CSMD1: variants seen among roughly 807,000 people sequenced by gnomAD.
The protein encoded by CSMD1 is CUB and sushi domain-containing protein 1.
In CSMD1, 213 loss-of-function variants were observed where a neutral mutation model predicts 417.5. The observed-to-expected ratio is 0.51, with a 90% CI of 0.46 to 0.57. The LOEUF (loss-of-function observed/expected upper bound fraction) is 0.57. Among genes scored for constraint, CSMD1 ranks in the 20% least tolerant of loss-of-function variants. CSMD1 has a pLI of 0.00. For synonymous variants in CSMD1, 2,862 were observed against 1,736.8 expected, an observed-to-expected ratio of 1.65 and a Z score of -16.11; for missense variants, 6,923 against 4,529.7, an observed-to-expected ratio of 1.53 and a Z score of -15.17.
chr8:3,079,911 G>C (rs1404768238), intron 49 of CSMD1, among the ~76,000 whole-genome samples: 1 of 152,042 alleles, frequency 6.6e-6, no homozygotes, highest in African/African-American at 2.4e-5. Flanking sequence ...CCTCCACCCA[G>C]CTCTTTGCAC....
intron 5 of CSMD1, among the ~76,000 whole-genome samples, chr8:3,826,546 C>A (rs1802064839): frequency 6.6e-6 from 1 of 152,098 alleles, no homozygotes; most frequent in Non-Finnish European, 1.5e-5. Flanking sequence ...CAAGTCCCGG[C>A]TGATATGAGC....
intron 12 of CSMD1, among the ~76,000 whole-genome samples, chr8:3,410,080 A>T (rs1325565095): frequency 1.3e-5 from 2 of 152,236 alleles, no homozygotes; most frequent in Non-Finnish European, 2.9e-5. Context: ...TCACTTATGA[A>T]GCAGAATGAA....
chr8:3,635,744 A>T (rs1036305037), intron 7 of CSMD1, among the ~76,000 whole-genome samples: 1 of 146,438 alleles, frequency 6.8e-6, no homozygotes, highest in African/African-American at 2.6e-5. Flanking sequence ...CGGCCTCCCG[A>T]AGTGCTGGGA....
chr8:3,207,984 T>A (rs1232601073), intron 30 of CSMD1, among the ~76,000 whole-genome samples: 1 of 152,194 alleles, frequency 6.6e-6, no homozygotes, highest in Non-Finnish European at 1.5e-5. Flanking sequence ...ATCCCTCAGA[T>A]ATTTCTCTCC....
chr8:4,434,655 C>T (rs1165481395), intron 2 of CSMD1, among the ~76,000 whole-genome samples: 1 of 152,160 alleles, frequency 6.6e-6, no homozygotes, highest in Non-Finnish European at 1.5e-5. Context: ...AGACATATCA[C>T]AAACCCGATT....
chr8:4,631,550 ATATGTC>A (rs1802517330), intron 2 of CSMD1, among the ~76,000 whole-genome samples: 1 of 152,136 alleles, frequency 6.6e-6, no homozygotes, highest in African/African-American at 2.4e-5. Flanking sequence ...TTTAGCCCTC[ATATGTC>A]TATAAGTTCT....
intron 52 of CSMD1, among the ~76,000 whole-genome samples, chr8:3,014,234 C>T (rs2128965393): frequency 6.7e-6 from 1 of 150,090 alleles, no homozygotes; most frequent in South Asian, 2.1e-4. Flanking sequence ...TATGAATATC[C>T]ATCTCATAAC....
intron 2 of CSMD1, among the ~76,000 whole-genome samples, chr8:4,530,720 C>T (rs1796769275): frequency 2.0e-5 from 3 of 150,744 alleles, no homozygotes; most frequent in Admixed American, 1.3e-4. Context: ...GTATATGTGC[C>T]ACATTTTCTT....
rs117415414 is a variant in CSMD1 at position 3,663,252 on chromosome 8, A to G, written c.1009+45162T>C. 5.3e-4 allele frequency among the ~76,000 whole-genome samples: 81 copies of G among 152,284 alleles called. No individual in the cohort carries two copies. The East Asian group carries it at 0.014, about 27-fold the overall frequency. On this transcript the variant is annotated intron_variant, in intron 7 of 69. Coordinates refer to ENST00000635120, the MANE Select transcript of CSMD1 (RefSeq NM_033225.6). ...GAGTTGAAGAGGCCGTTCTCCATGA[A>G]AGTGAGAGAGTGCTGATACTACTGA...
intron 1 of CSMD1, among the ~76,000 whole-genome samples, chr8:4,885,907 T>G (rs569530060): frequency 1.8e-4 from 27 of 152,116 alleles, no homozygotes; most frequent in Admixed American, 1.8e-3. Flanking sequence ...CTGACAAAGA[T>G]TTATGCCTGT....
At chr8:3,176,191 T>A (rs1308106827) in intron 37 of CSMD1, among the ~76,000 whole-genome samples, 8 of 152,140 alleles carry the variant, frequency 5.3e-5, no homozygotes, top group Non-Finnish European at 1.2e-4. Context: ...TAAACAAGTA[T>A]TATTATATAT....
At chr8:4,215,592 A>G (rs1800619773) in intron 3 of CSMD1, among the ~76,000 whole-genome samples, 1 of 152,160 alleles carries the variant, frequency 6.6e-6, no homozygotes, top group African/African-American at 2.4e-5. Flanking sequence ...AAATTTATAC[A>G]TGAAATATGC....
chr8:4,883,762 T>C (rs1428147327), intron 1 of CSMD1, among the ~76,000 whole-genome samples: 1 of 152,146 alleles, frequency 6.6e-6, no homozygotes, highest in African/African-American at 2.4e-5. Flanking sequence ...ATTTTGGTTA[T>C]TATCAACAAT....
rs1404532705 is a variant in CSMD1, at chr8:4,461,512, G to C, written c.303-41447C>G. Among the ~76,000 whole-genome samples, 2 of 137,326 alleles carry C rather than the reference G, an allele frequency of 1.5e-5. 1 individual carries two copies. Among genetic ancestry groups the C allele is most frequent in the Non-Finnish European group, 3.1e-5 (2 of 64,820 alleles). The allele number at this position is 137,326 out of a possible 152,430, so 90.1% of individuals were successfully genotyped here. ...AGAACATCTCCAGCAAGGTTACAGAGTAGAAGATGAATATGCAAAAATCCA... is the reference window on the plus strand; with the variant it reads ...AGAACATCTCCAGCAAGGTTACAGACTAGAAGATGAATATGCAAAAATCCA... On this transcript the variant is annotated intron_variant, in intron 2 of 69. Coordinates refer to ENST00000635120, the MANE Select transcript of CSMD1 (RefSeq NM_033225.6).
chr8:3,422,545 A>G lies in CSMD1; in HGVS notation c.1562-12940T>C, dbSNP rs540216193. Among the ~76,000 whole-genome samples, 9 of 152,314 alleles carry G rather than the reference A, an allele frequency of 5.9e-5. 1 individual carries two copies. In the East Asian group the frequency reaches 1.4e-3, roughly 23 times the overall value. On this transcript the variant is annotated intron_variant, in intron 12 of 69. Coordinates refer to ENST00000635120, the MANE Select transcript of CSMD1 (RefSeq NM_033225.6). ...AAGAAATCTATTGTAAGACACAAACAGAAGACAGAAGACAAAACAGTAAAT... is the reference window on the plus strand; with the variant it reads ...AAGAAATCTATTGTAAGACACAAACGGAAGACAGAAGACAAAACAGTAAAT...
intron 3 of CSMD1, among the ~76,000 whole-genome samples, chr8:4,371,032 C>G (rs1316869009): frequency 6.6e-6 from 1 of 152,152 alleles, no homozygotes; most frequent in East Asian, 1.9e-4. Context: ...TGGAGTGGTT[C>G]ATTCTCTTTT....
At chr8:3,766,888 A>T (rs1342859148) in intron 5 of CSMD1, among the ~76,000 whole-genome samples, 1 of 152,146 alleles carries the variant, frequency 6.6e-6, no homozygotes, top group African/African-American at 2.4e-5. Context: ...CACTTGATAG[A>T]CTGACGCAGA....
At chr8:4,081,409 A>G (rs886405308) in intron 3 of CSMD1, among the ~76,000 whole-genome samples, 1 of 152,168 alleles carries the variant, frequency 6.6e-6, no homozygotes, top group Non-Finnish European at 1.5e-5. Context: ...AAGGCTTTGC[A>G]GCTTCCTCCT....
chr8:4,502,423 C>CA (rs1563237430), intron 2 of CSMD1, among the ~76,000 whole-genome samples: 2 of 152,122 alleles, frequency 1.3e-5, no homozygotes, highest in Admixed American at 1.3e-4. Flanking sequence ...AATTCTTTCC[C>CA]ACCCTTTGTC....
Sources: allele counts gnomAD v4.1 joint callset (sites outside exome capture counted in the v4.1 genomes callset), GRCh38; gene constraint gnomAD v4.1.1; transcripts MANE v1.5; gene names NCBI Gene and HGNC (gene_info 2026-07-23, HGNC 2026-07-21).